NALCN: variants seen among roughly 807,000 people sequenced by gnomAD.
The protein encoded by NALCN is sodium leak channel NALCN.
In NALCN, 111 loss-of-function variants were observed where a neutral mutation model predicts 225.3. The ratio of observed to expected loss-of-function variants is 0.49; its 90% confidence interval spans 0.42 to 0.58. The LOEUF (loss-of-function observed/expected upper bound fraction) is 0.58. Among genes scored for constraint, NALCN ranks in the 20% least tolerant of loss-of-function variants. The pLI is 0.00. For synonymous variants in NALCN, 764 were observed against 769.0 expected, an observed-to-expected ratio of 0.99 and a Z score of 0.11; for missense variants, 1,378 against 2,202.4, an observed-to-expected ratio of 0.63 and a Z score of 7.49.
intron 15 of NALCN, among the ~76,000 whole-genome samples, chr13:101,168,138 C>G (rs1202392741): frequency 6.6e-6 from 1 of 152,054 alleles, no homozygotes; most frequent in Admixed American, 6.6e-5. Flanking sequence ...TTCCTCTTAC[C>G]TCTTGTGCTG....
intron 10 of NALCN, among the ~76,000 whole-genome samples, chr13:101,271,893 ATG>A (rs797017911): frequency 0.01 from 1,174 of 112,708 alleles, 14 homozygotes; most frequent in African/African-American, 0.044. Flanking sequence ...ATGTGTGCAT[ATG>A]TGTGTGCGTG....
chr13:101,232,311 T>C (rs1389309262), intron 12 of NALCN, among the ~76,000 whole-genome samples: 1 of 152,100 alleles, frequency 6.6e-6, no homozygotes, highest in African/African-American at 2.4e-5. Flanking sequence ...GTAAACCAAT[T>C]GAAAAAAAAT....
At chr13:101,258,601 TAAC>T (rs749875044) in intron 10 of NALCN, 27 bp from the exon 11 acceptor site, 1 of 1,613,878 alleles carries the variant, frequency 6.2e-7, no homozygotes, top group South Asian at 1.1e-5. Context: ...GACAGACTCT[TAAC>T]AAAGAAATAA....
intron 3 of NALCN, among the ~76,000 whole-genome samples, chr13:101,382,040 G>A (rs538112602): frequency 6.6e-6 from 1 of 152,226 alleles, no homozygotes; most frequent in South Asian, 2.1e-4. Context: ...ATTATAGATC[G>A]TTGAGTACAC....
intron 18 of NALCN, chr13:101,116,911 G>C (rs1198866796): frequency 2.0e-6 from 1 of 509,394 alleles, no homozygotes; most frequent in Non-Finnish European, 3.9e-6. Flanking sequence ...TCCTGGAAAT[G>C]GCTCTTACCT....
chr13:101,235,045 T>C (rs1352563571), intron 12 of NALCN, among the ~76,000 whole-genome samples: 1 of 151,726 alleles, frequency 6.6e-6, no homozygotes, highest in East Asian at 1.9e-4. Context: ...ATTTTATAGG[T>C]ATTTTACATA....
At chr13:101,147,352 CTCTT>C (rs1303531890) in intron 15 of NALCN, among the ~76,000 whole-genome samples, 4 of 140,554 alleles carry the variant, frequency 2.8e-5, no homozygotes, top group East Asian at 2.2e-4. Context: ...TCCTCTCTCT[CTCTT>C]TTTTTTTTTT....
At chr13:101,122,161 G>C (rs906751220) in intron 18 of NALCN, among the ~76,000 whole-genome samples, 1 of 152,052 alleles carries the variant, frequency 6.6e-6, no homozygotes, top group African/African-American at 2.4e-5. Context: ...GAAAAGATAA[G>C]TATTCCCAAA....
At chr13:101,114,421 T>TTCATTCTC (rs1405963002) in intron 18 of NALCN, among the ~76,000 whole-genome samples, 4 of 146,778 alleles carry the variant, frequency 2.7e-5, no homozygotes, top group African/African-American at 1.0e-4. Flanking sequence ...ACATAGCATA[T>TTCATTCTC]TCATTCTCTC....
At chr13:101,402,262 A>G (rs1013012349) in intron 1 of NALCN, among the ~76,000 whole-genome samples, 1 of 152,182 alleles carries the variant, frequency 6.6e-6, no homozygotes, top group African/African-American at 2.4e-5. Context: ...AGTAGTTGGT[A>G]TTTAAATAGT....
chr13:101,213,630 G>A (rs561403102), intron 13 of NALCN, among the ~76,000 whole-genome samples: 338 of 152,208 alleles, frequency 2.2e-3, no homozygotes, highest in Middle Eastern at 6.8e-3. Flanking sequence ...AAAAGTGGGC[G>A]AAGGATATGA....
At chr13:101,320,055 A>C (rs2139187395) in intron 7 of NALCN, among the ~76,000 whole-genome samples, 1 of 152,334 alleles carries the variant, frequency 6.6e-6, no homozygotes, top group African/African-American at 2.4e-5. Flanking sequence ...CTGGGTGATC[A>C]GAGCACTTCC....
At chr13:101,347,418 A>G (rs1471892661) in intron 6 of NALCN, among the ~76,000 whole-genome samples, 1 of 152,150 alleles carries the variant, frequency 6.6e-6, no homozygotes, top group Non-Finnish European at 1.5e-5. Context: ...AATTACCACA[A>G]TTGGGTGGGT....
chr13:101,405,307 T>C (rs896678152), intron 1 of NALCN, among the ~76,000 whole-genome samples: 1 of 152,216 alleles, frequency 6.6e-6, no homozygotes, highest in African/African-American at 2.4e-5. Context: ...TCAGAGCAAA[T>C]GAATGTAGCA....
chr13:101,108,209 T>G (rs1342559125), intron 20 of NALCN, among the ~76,000 whole-genome samples: 1 of 151,208 alleles, frequency 6.6e-6, no homozygotes, highest in Admixed American at 6.6e-5. Flanking sequence ...ATATAAAATA[T>G]GTATACGATT....
At chr13:101,281,332 C>G (rs1382881867) in intron 10 of NALCN, among the ~76,000 whole-genome samples, 1 of 152,152 alleles carries the variant, frequency 6.6e-6, no homozygotes, top group African/African-American at 2.4e-5. Context: ...ACTGTAAGCT[C>G]TATGAGTGTG....
At chr13:101,274,497 G>A (rs1035066131) in intron 10 of NALCN, among the ~76,000 whole-genome samples, 10 of 152,182 alleles carry the variant, frequency 6.6e-5, no homozygotes, top group African/African-American at 2.4e-4. Flanking sequence ...TTATGGTGCT[G>A]TGAGCATTAA....
At chr13:101,353,415 T>C (rs940696017) in intron 6 of NALCN, among the ~76,000 whole-genome samples, 1 of 152,212 alleles carries the variant, frequency 6.6e-6, no homozygotes, top group East Asian at 1.9e-4. Flanking sequence ...TTATTTAGCT[T>C]CCTCTGGTCA....
At position 101,117,710 on chromosome 13, in the gene NALCN, T is replaced by G. The variant is rs181437567; in HGVS notation, c.2193-6484A>C. 1.4e-4 allele frequency among the ~76,000 whole-genome samples: 21 copies of G among 152,326 alleles called. No homozygotes were observed. The East Asian group carries it at 3.7e-3, about 27-fold the overall frequency. On this transcript the variant is annotated intron_variant, in intron 18 of 43. Transcript: ENST00000251127. ...ATGATGATATCTAATTTCCTTTCCATGCTGAATAATTATTCCACTGTCTGG... is the reference window on the plus strand; with the variant it reads ...ATGATGATATCTAATTTCCTTTCCAGGCTGAATAATTATTCCACTGTCTGG...
Sources: allele counts gnomAD v4.1 joint callset (sites outside exome capture counted in the v4.1 genomes callset), GRCh38; gene constraint gnomAD v4.1.1; transcripts MANE v1.5; gene names NCBI Gene and HGNC (gene_info 2026-07-23, HGNC 2026-07-21).